Variants in SYTL2 observed in about 807,000 individuals in gnomAD.
The protein encoded by SYTL2 is synaptotagmin like 2.
In SYTL2, 165 loss-of-function variants were observed where a neutral mutation model predicts 198.7. The observed-to-expected ratio is 0.83, with a 90% CI of 0.73 to 0.94. The LOEUF is 0.94. SYTL2 is among the 40% of genes least tolerant of loss of function. The pLI, the probability that SYTL2 is intolerant of heterozygous loss-of-function variation, is 0.00. For missense variants in SYTL2, 2,835 were observed against 2,582.8 expected (o/e 1.10, Z -2.12); for synonymous variants, 966 against 917.7 (o/e 1.05, Z -0.95).
chr11:85,850,939 C>T, the SYTL2 span, among the ~76,000 whole-genome samples: 1 of 146,726 alleles, frequency 6.8e-6, no homozygotes, highest in Non-Finnish European at 1.5e-5. Context: ...AAAAACCAAA[C>T]ACCGCATATT....
chr11:85,770,789 C>T (rs2153578391), intron 1 of SYTL2, among the ~76,000 whole-genome samples: 1 of 152,318 alleles, frequency 6.6e-6, no homozygotes, highest in Admixed American at 6.5e-5. Flanking sequence ...CATTTCCCCT[C>T]ACAAATACCC....
rs570803505 is a variant in SYTL2, at chr11:85,726,775, C to T, written c.2583G>A (p.Glu861=). The T allele has an allele frequency of 2.0e-6, 3 of 1,536,024 alleles. No homozygotes were observed. In the East Asian group the frequency reaches 7.3e-5, roughly 38 times the overall value. The change falls in exon 8 of 20, where the codon GAG becomes GAA. Residue 861 remains glutamate, a synonymous_variant. Coordinates refer to ENST00000359152, the MANE Select transcript of SYTL2 (RefSeq NM_206927.4). ...TGGAGAGCTGGGATGCTTGATCATC[C>T]TCATCTAAGACCACTCGTTTGGGAA... ...QAIPKRVVLD[E]DDQASQLSNS... is the part of the protein sequence containing the mutation.
chr11:85,830,609 G>T, the SYTL2 span, among the ~76,000 whole-genome samples: 1 of 152,102 alleles, frequency 6.6e-6, no homozygotes, highest in Non-Finnish European at 1.5e-5. Flanking sequence ...AGCCCACAAA[G>T]GGGTGGGAGA....
chr11:85,820,201 C>T, the SYTL2 span, among the ~76,000 whole-genome samples: 2 of 152,190 alleles, frequency 1.3e-5, no homozygotes, highest in Non-Finnish European at 2.9e-5. Flanking sequence ...TTATTTAACA[C>T]TACAGTTGAC....
intron 7 of SYTL2, among the ~76,000 whole-genome samples, chr11:85,731,491 C>T (rs1591791204): frequency 6.6e-6 from 1 of 152,122 alleles, no homozygotes; most frequent in Non-Finnish European, 1.5e-5. Context: ...GGAAAGGATT[C>T]CCTATTTAAT....
Position 85,750,492 on chromosome 11 carries a change from A to G in SYTL2, c.102-2069T>C, listed in dbSNP as rs143697237. Among the ~76,000 whole-genome samples, 201 of 152,272 alleles carry G rather than the reference A, an allele frequency of 1.3e-3. 1 individual carries two copies. Among genetic ancestry groups the G allele is most frequent in the African/African-American group, 4.7e-3 (195 of 41,554 alleles). On this transcript the variant is annotated intron_variant, in intron 2 of 19. Coordinates refer to ENST00000359152, the MANE Select transcript of SYTL2 (RefSeq NM_206927.4). ...GTTTCTCCTTTTCCATTGCTCCCAC[A>G]GCACCTCCACTTCAGTCCTTACTAT... is the stretch of plus-strand genomic sequence containing the variant.
chr11:85,757,605 A>C lies in SYTL2; in HGVS notation c.101+20T>G, dbSNP rs749464749. On this transcript the variant is annotated intron_variant, in intron 2 of 19. Transcript: ENST00000359152. Reference sequence around the variant, plus strand: ...CTGCCTCTTCCTTCCCTCATGCCCAAGGCTTCTCTGGCCTCTTACCTGACT... The same window carrying C: ...CTGCCTCTTCCTTCCCTCATGCCCACGGCTTCTCTGGCCTCTTACCTGACT... 1 of 1,612,314 alleles carries C rather than the reference A, an allele frequency of 6.2e-7. No individual in the cohort carries two copies. Among genetic ancestry groups the C allele is most frequent in the Middle Eastern group, 1.7e-4 (1 of 6,058 alleles).
intron 1 of SYTL2, among the ~76,000 whole-genome samples, chr11:85,800,452 A>T (rs1375437003): frequency 6.6e-6 from 1 of 150,894 alleles, no homozygotes; most frequent in East Asian, 1.9e-4. Context: ...ATTTTTTTCT[A>T]TTTTTCTGTA....
chr11:85,792,556 AG>A (rs1472072777), intron 1 of SYTL2, among the ~76,000 whole-genome samples: 1 of 152,044 alleles, frequency 6.6e-6, no homozygotes, highest in East Asian at 1.9e-4. Flanking sequence ...ATTCCACAAA[AG>A]AAATCACAGA....
In SYTL2 at chr11:85,726,804, C is replaced by A; in HGVS notation, c.2554G>T (p.Ala852Ser). 6.5e-7 allele frequency: 1 copy of A among 1,536,188 alleles called. No individual in the cohort carries two copies. The highest frequency in any genetic ancestry group is 8.7e-7 in the Non-Finnish European group (1 of 1,146,902). The stretch of plus-strand genomic sequence containing the variant: ...TCTAAGACCACTCGTTTGGGAATGG[C>A]CTGATTATATTCACTCTGGTCTGTA... Reference protein sequence around the residue: ...LSTDQSEYNQAIPKRVVLDED... With the variant: ...LSTDQSEYNQSIPKRVVLDED... The change falls in exon 8 of 20, where the codon GCC (alanine) becomes TCC (serine). Residue 852 changes from alanine to serine, a missense_variant. Ala to Ser is a moderately conservative substitution (Grantham distance 99). Around this residue, in one of 3 missense-constraint regions of SYTL2, gnomAD observed 2,645 missense variants for 2,381.7 expected, o/e 1.11. Coordinates refer to ENST00000359152, the MANE Select transcript of SYTL2 (RefSeq NM_206927.4).
chr11:85,703,772 A>G (rs2084700343), intron 16 of SYTL2, among the ~76,000 whole-genome samples: 2 of 152,186 alleles, frequency 1.3e-5, no homozygotes. Context: ...TACAATTAAA[A>G]CATGACCAAA....
chr11:85,726,103 C>T lies in SYTL2; in HGVS notation c.3255G>A (p.Glu1085=), dbSNP rs377007027. The T allele has an allele frequency of 6.2e-7, 1 of 1,613,686 alleles. No homozygotes were observed. The highest frequency in any genetic ancestry group is 8.5e-7 in the Non-Finnish European group (1 of 1,179,940). ...TCTTTTCCACATTTTCCTTTGATGA[C>T]TCATTTCCTGGCAACTGATAAGTAT... ...RKYTYQLPGN[E]SSKENVEKNT... The change falls in exon 8 of 20, where the codon GAG becomes GAA. Residue 1085 remains glutamate (E), a synonymous_variant. Coordinates refer to ENST00000359152, the MANE Select transcript of SYTL2 (RefSeq NM_206927.4).
chr11:85,720,135 T>C (rs576168071), intron 9 of SYTL2, among the ~76,000 whole-genome samples: 2 of 152,292 alleles, frequency 1.3e-5, no homozygotes, highest in East Asian at 1.9e-4. Context: ...CAGTGGGGAA[T>C]CGTGTACCTA....
rs1288660171 is a variant in SYTL2 at position 85,695,301 on chromosome 11, G to A, written c.6614C>T (p.Thr2205Ile). 1 of 1,612,174 alleles carries A rather than the reference G, an allele frequency of 6.2e-7. No individual in the cohort carries two copies. The highest frequency in any genetic ancestry group is 8.5e-7 in the Non-Finnish European group (1 of 1,178,762). The stretch of plus-strand genomic sequence containing the variant: ...CTCCCAGAGAGCAACTTCCTCTGAA[G>A]TAGAGTCCATCCAGTCCACTTCAGT... ...YGTEVDWMDS[T>I]SEEVALWEKM... The change falls in exon 20 of 20, where the codon ACT (threonine) becomes ATT (isoleucine). Residue 2205 changes from threonine to isoleucine, a missense_variant. Coordinates refer to ENST00000359152, the MANE Select transcript of SYTL2 (RefSeq NM_206927.4).
the SYTL2 span, among the ~76,000 whole-genome samples, chr11:85,816,414 G>T: frequency 3.9e-5 from 6 of 152,248 alleles, no homozygotes; most frequent in East Asian, 1.2e-3. Flanking sequence ...CCACTTATAT[G>T]AGGTACCTAG....
chr11:85,840,987 T>C, the SYTL2 span, among the ~76,000 whole-genome samples: 1 of 151,934 alleles, frequency 6.6e-6, no homozygotes, highest in Non-Finnish European at 1.5e-5. Context: ...CTAACAAATT[T>C]ACAAGCAAAA....
In SYTL2 at chr11:85,726,260, G is replaced by T. The variant is rs750635309; in HGVS notation, c.3098C>A (p.Thr1033Asn). ...FSDIKLSGKN[T>N]HEAEVLLSPK... ...GCTTAGAAGCACCTCTGCTTCATGGGTATTTTTACCTGATAATTTAATGTC... is the reference window on the plus strand; with the variant it reads ...GCTTAGAAGCACCTCTGCTTCATGGTTATTTTTACCTGATAATTTAATGTC... Residue 1033 changes from threonine (T) to asparagine (N), a missense_variant, in exon 8 of 20, where the codon ACC becomes AAC. This residue lies in a region of SYTL2 where 2,645 missense variants were observed against 2,381.7 expected (regional missense o/e 1.11). Coordinates refer to ENST00000359152, the MANE Select transcript of SYTL2 (RefSeq NM_206927.4). 1 of 1,613,708 alleles carries T rather than the reference G, an allele frequency of 6.2e-7. No homozygotes were observed. Among genetic ancestry groups the T allele is most frequent in the Non-Finnish European group, 8.5e-7 (1 of 1,179,930 alleles).
chr11:85,848,983 T>C, the SYTL2 span, among the ~76,000 whole-genome samples: 1 of 152,224 alleles, frequency 6.6e-6, no homozygotes, highest in Non-Finnish European at 1.5e-5. Context: ...AAAAGTGAAC[T>C]GCAGGTATGT....
intron 1 of SYTL2, among the ~76,000 whole-genome samples, chr11:85,777,214 G>A (rs1360709765): frequency 6.6e-6 from 1 of 152,208 alleles, no homozygotes; most frequent in Non-Finnish European, 1.5e-5. Context: ...TAGCAGAAAT[G>A]GGTGGCCCCA....
Sources: gnomAD v4.1 joint callset for allele counts (sites outside exome capture counted in the v4.1 genomes callset) on GRCh38, gnomAD v4.1.1 for gene constraint, gnomAD v4.1.1 regional missense constraint, MANE v1.5 for transcripts, NCBI Gene and HGNC (gene_info 2026-07-23, HGNC 2026-07-21) for gene names.